BUB1: variants seen among roughly 807,000 people sequenced by gnomAD.
BUB1 encodes BUB1 mitotic checkpoint serine/threonine kinase, also known as mitotic checkpoint serine/threonine-protein kinase BUB1.
In BUB1, 84 loss-of-function variants were observed where a neutral mutation model predicts 135.2. The observed-to-expected ratio is 0.62, with a 90% confidence interval of 0.52 to 0.74. The LOEUF is 0.74. Ranked by LOEUF, BUB1 falls within the 30% of genes least tolerant of loss-of-function variation. The pLI is 0.00. For missense variants in BUB1, 1,162 were observed against 1,288.3 expected (o/e 0.90, Z 1.50); for synonymous variants, 403 against 434.4 (o/e 0.93, Z 0.90).
At position 110,642,025 on chromosome 2, in the gene BUB1, A is replaced by G. The variant is rs888375715; in HGVS notation, c.2463+94T>C. 4 of 1,038,108 alleles carry G rather than the reference A, an allele frequency of 3.9e-6. No homozygotes were observed. The African/African-American group carries it at 6.5e-5, about 17-fold the overall frequency. The allele number at this position is 1,038,108 out of a possible 1,614,324, so 64.3% of individuals were successfully genotyped here. A position where few individuals can be genotyped will look rare whatever the true frequency, so the allele number is the denominator to read the frequency against. On this transcript the variant is annotated intron_variant, in intron 20 of 24. Coordinates refer to ENST00000302759, the MANE Select transcript of BUB1 (RefSeq NM_004336.5). ...AATTGCCAACTGTAGATATAAATAAAAACACCACTATCTTAAAGAAAAAAA... is the reference window on the plus strand; with the variant it reads ...AATTGCCAACTGTAGATATAAATAAGAACACCACTATCTTAAAGAAAAAAA...
chr2:110,655,706 A>C (rs772231826), intron 16 of BUB1, 33 bp downstream of exon 16: 12 of 1,478,842 alleles, frequency 8.1e-6, no homozygotes, highest in South Asian at 1.4e-5. Context: ...CAAAGTTGGC[A>C]GAAGACAGAC....
rs151023972 is a variant in BUB1, at chr2:110,643,418, G to A, written c.2348-1184C>T. Among the ~76,000 whole-genome samples the A allele has an allele frequency of 2.7e-3, 415 of 152,348 alleles. 1 individual carries two copies. Among genetic ancestry groups the A allele is most frequent in the African/African-American group, 9.7e-3 (404 of 41,570 alleles). Reference sequence around the variant, plus strand: ...AATTATAGCCTCTTATGTAGTGACAGCAAACAGTAAACACAGCCTAACCCA... The same window carrying A: ...AATTATAGCCTCTTATGTAGTGACAACAAACAGTAAACACAGCCTAACCCA... On this transcript the variant is annotated intron_variant, in intron 19 of 24. Coordinates refer to ENST00000302759, the MANE Select transcript of BUB1 (RefSeq NM_004336.5).
At chr2:110,653,278 C>T (rs1689831394) in intron 17 of BUB1, among the ~76,000 whole-genome samples, 158 bp downstream of exon 17, 1 of 152,204 alleles carries the variant, frequency 6.6e-6, no homozygotes, top group Non-Finnish European at 1.5e-5. Context: ...AGAGTACCTT[C>T]TGACTTAAAG....
intron 15 of BUB1, 54 bp from the exon 16 acceptor site, chr2:110,655,970 G>A (rs921127933): frequency 1.3e-6 from 2 of 1,524,716 alleles, no homozygotes; most frequent in Non-Finnish European, 1.8e-6. Context: ...TTTAGTCCAT[G>A]AAACCTTATT....
chr2:110,640,120 A>G (rs772400273), intron 23 of BUB1, among the ~76,000 whole-genome samples: 16 of 151,216 alleles, frequency 1.1e-4, no homozygotes, highest in Non-Finnish European at 2.2e-4. Context: ...CAAACACAAC[A>G]CTCTAAGCCC....
At position 110,672,852 on chromosome 2, in the gene BUB1, C is replaced by T. The variant is rs983363796; in HGVS notation, c.231G>A (p.Glu77=). The change falls in exon 4 of 25, where the codon GAG becomes GAA. Residue 77 remains glutamate (E), a synonymous_variant. Coordinates refer to ENST00000302759, the MANE Select transcript of BUB1 (RefSeq NM_004336.5). ...AAAATTGATGGAGGTCACTGTTGTACTCAGCCTACACGAACCCAAAACAAA... is the reference window on the plus strand; with the variant it reads ...AAAATTGATGGAGGTCACTGTTGTATTCAGCCTACACGAACCCAAAACAAA... ...RFISYCLKFA[E]YNSDLHQFFE... is the part of the protein sequence containing the mutation. 6.2e-7 allele frequency: 1 copy of T among 1,601,066 alleles called. No homozygotes were observed. Among genetic ancestry groups the T allele is most frequent in the Non-Finnish European group, 8.5e-7 (1 of 1,174,458 alleles).
intron 10 of BUB1, chr2:110,661,364 A>T (rs1305722717): frequency 8.8e-6 from 5 of 569,636 alleles, no homozygotes; most frequent in East Asian, 6.3e-5. Flanking sequence ...AATTCACGAA[A>T]GTATAAAATA....
At position 110,642,164 on chromosome 2, in the gene BUB1, C is replaced by T. The variant is rs367545797; in HGVS notation, c.2418G>A (p.Gln806=). 1 of 1,613,752 alleles carries T rather than the reference C, an allele frequency of 6.2e-7. No homozygotes were observed. Among genetic ancestry groups the T allele is most frequent in the Non-Finnish European group, 8.5e-7 (1 of 1,179,850 alleles). Residue 806 remains glutamine (Q), a synonymous_variant, in exon 20 of 25, where the codon CAG becomes CAA. Coordinates refer to ENST00000302759, the MANE Select transcript of BUB1 (RefSeq NM_004336.5). Reference sequence around the variant, plus strand: ...TATTTTTAGCATCATTCAGATCTCCCTGGGTAGCTTCGTACACCTGGGCAA... The same window carrying T: ...TATTTTTAGCATCATTCAGATCTCCTTGGGTAGCTTCGTACACCTGGGCAA... ...GAFAQVYEAT[Q]GDLNDAKNKQ... is the part of the protein sequence containing the mutation.
At chr2:110,677,578 T>G (rs1202203618) in intron 1 of BUB1, among the ~76,000 whole-genome samples, 1 of 152,308 alleles carries the variant, frequency 6.6e-6, no homozygotes, top group Non-Finnish European at 1.5e-5. Context: ...TTAAATTCGT[T>G]CCCTACTGTA....
intron 16 of BUB1, among the ~76,000 whole-genome samples, 193 bp from the exon 17 acceptor site, chr2:110,653,716 C>T (rs1689846090): frequency 6.6e-6 from 1 of 151,982 alleles, no homozygotes; most frequent in African/African-American, 2.4e-5. Flanking sequence ...TAAAAAAATC[C>T]ACTACTGGCC....
chr2:110,662,070 A>G, intron 9 of BUB1: 1 of 497,436 alleles, frequency 2.0e-6, no homozygotes, highest in Admixed American at 3.7e-5. Flanking sequence ...CACCATCAGC[A>G]GCTTATAATT....
chr2:110,661,990 C>G, intron 9 of BUB1, 149 bp from the exon 10 acceptor site: 1 of 904,398 alleles, frequency 1.1e-6, no homozygotes, highest in Non-Finnish European at 1.6e-6. Context: ...TTCAAGCATT[C>G]TGAAATGTAC....
chr2:110,670,518 A>G lies in BUB1; in HGVS notation c.466+7T>C. 1 of 1,613,880 alleles carries G rather than the reference A, an allele frequency of 6.2e-7. No homozygotes were observed. Among genetic ancestry groups the G allele is most frequent in the Non-Finnish European group, 8.5e-7 (1 of 1,179,784 alleles). ...AACAACAGGCATTTTAGAAAGCCTG[A>G]TTTTACCTTGAGCTGGCAAATGGGT... On this transcript the variant is annotated splice_region_variant and intron_variant, in intron 5 of 24. Transcript: ENST00000302759.
rs1689488071 is a variant in BUB1 at position 110,641,060 on chromosome 2, G to C, written c.2929C>G (p.Leu977Val). ...TGGTAGTTCCATGGTTTGTTGCTGA[G>C]CATCTCAACACACTGAAAACCAGAT... ...ETSGFQCVEM[L>V]SNKPWNYQID... The change falls in exon 23 of 25, where the codon CTC (leucine) becomes GTC (valine). Residue 977 changes from leucine to valine, a missense_variant. Coordinates refer to ENST00000302759, the MANE Select transcript of BUB1 (RefSeq NM_004336.5). 6.3e-7 allele frequency: 1 copy of C among 1,596,000 alleles called. No individual in the cohort carries two copies. The highest frequency in any genetic ancestry group is 1.3e-5 in the African/African-American group (1 of 74,144).
chr2:110,672,312 C>T (rs142756761), intron 4 of BUB1, among the ~76,000 whole-genome samples: 63 of 152,204 alleles, frequency 4.1e-4, no homozygotes, highest in African/African-American at 1.3e-3. Context: ...TGGATTATGA[C>T]ACAACACTGT....
rs768074987 is a variant in BUB1, at chr2:110,638,106, GGA to G, written c.3114_3115del (p.Pro1039ArgfsTer25). On this transcript the variant is annotated frameshift_variant, in exon 25 of 25. Transcript: ENST00000302759. LOFTEE classifies it high-confidence loss of function. ...CAAAGATGGAAGATGATGACAATCT[GGA>G]ATATTCAACATAACATGAAAAAATT... 6.2e-7 allele frequency: 1 copy of G among 1,606,668 alleles called. No individual in the cohort carries two copies. Among genetic ancestry groups the G allele is most frequent in the South Asian group, 1.1e-5 (1 of 88,966 alleles).
intron 19 of BUB1, among the ~76,000 whole-genome samples, chr2:110,644,042 T>C (rs1460559552): frequency 9.1e-5 from 7 of 76,902 alleles, no homozygotes; most frequent in Non-Finnish European, 1.7e-4. Flanking sequence ...CAATAAAAAC[T>C]TCCAAAACTG....
intron 19 of BUB1, among the ~76,000 whole-genome samples, chr2:110,643,825 T>A (rs900625475): frequency 6.6e-6 from 1 of 151,962 alleles, no homozygotes; most frequent in Non-Finnish European, 1.5e-5. Context: ...ATTTTTTTTT[T>A]AATTCTAATT....
intron 19 of BUB1, 44 bp downstream of exon 19, chr2:110,649,190 A>T: frequency 1.3e-6 from 2 of 1,571,040 alleles, no homozygotes; most frequent in Non-Finnish European, 1.7e-6. Context: ...AACTTCTCAT[A>T]GAGAAACAAG....
Sources: allele counts gnomAD v4.1 joint callset (sites outside exome capture counted in the v4.1 genomes callset), GRCh38; gene constraint gnomAD v4.1.1; transcripts MANE v1.5; gene names NCBI Gene and HGNC (gene_info 2026-07-23, HGNC 2026-07-21).